KPNA4: variants seen among roughly 807,000 people sequenced by gnomAD.
The protein encoded by KPNA4 is karyopherin subunit alpha 4, also known as importin subunit alpha-3.
In KPNA4, 13 loss-of-function variants were observed where a neutral mutation model predicts 71.3. The ratio of observed to expected loss-of-function variants is 0.18; its 90% CI spans 0.12 to 0.29. The LOEUF is 0.29. KPNA4 is among the 10% of genes least tolerant of loss of function. The pLI is 1.00. For missense variants in KPNA4, 334 were observed against 603.2 expected (o/e 0.55, Z 4.67); for synonymous variants, 189 against 195.2 (o/e 0.97, Z 0.26).
At chr3:160,535,738 A>G (rs752386318) in intron 3 of KPNA4, 48 bp from the exon 4 acceptor site, 3 of 1,569,298 alleles carry the variant, frequency 1.9e-6, no homozygotes, top group South Asian at 2.4e-5. Flanking sequence ...TCACCTTAAA[A>G]TTCTCTTATT....
intron 1 of KPNA4, among the ~76,000 whole-genome samples, chr3:160,551,599 G>A (rs1021883714): frequency 2.0e-5 from 3 of 152,134 alleles, no homozygotes; most frequent in African/African-American, 7.2e-5. Context: ...GAGAGTCAGA[G>A]ATGAAGTTAG....
intron 13 of KPNA4, 112 bp downstream of exon 13, chr3:160,513,965 G>T: frequency 4.9e-5 from 25 of 512,826 alleles, no homozygotes; most frequent in Middle Eastern, 3.0e-4. Flanking sequence ...CTATATTTAT[G>T]CCACTGTATG....
chr3:160,513,398 G>A (rs1721141886), intron 13 of KPNA4, among the ~76,000 whole-genome samples: 2 of 151,592 alleles, frequency 1.3e-5, no homozygotes, highest in Non-Finnish European at 2.9e-5. Context: ...TAGAACCACA[G>A]GCGCATGCTA....
chr3:160,518,689 A>C (rs1262738008), intron 11 of KPNA4, among the ~76,000 whole-genome samples: 1 of 151,434 alleles, frequency 6.6e-6, no homozygotes, highest in Non-Finnish European at 1.5e-5. Context: ...GTGAAACCCT[A>C]TCTCTACTAA....
At chr3:160,513,258 T>G (rs1577047753) in intron 13 of KPNA4, among the ~76,000 whole-genome samples, 2 of 142,066 alleles carry the variant, frequency 1.4e-5, no homozygotes, top group East Asian at 4.0e-4. Flanking sequence ...GGTTTTTTTT[T>G]TTTTTTTTTT....
chr3:160,551,946 G>GGT (rs1177886311), intron 1 of KPNA4, among the ~76,000 whole-genome samples: 1 of 143,400 alleles, frequency 7.0e-6, no homozygotes, highest in East Asian at 2.0e-4. Flanking sequence ...AACTGGGGGG[G>GGT]GGGGGGTGAT....
chr3:160,534,273 T>C (rs1721635239), intron 5 of KPNA4, among the ~76,000 whole-genome samples: 2 of 152,202 alleles, frequency 1.3e-5, no homozygotes, highest in African/African-American at 4.8e-5. Flanking sequence ...ACATAGGGTG[T>C]TATTCTTATA....
At position 160,506,342 on chromosome 3, in the gene KPNA4, A is replaced by C. The variant is rs183273400; in HGVS notation, c.1373-1290T>G. On this transcript the variant is annotated intron_variant, in intron 15 of 16. Transcript: ENST00000334256. Reference sequence around the variant, plus strand: ...CGCTACCACACCCAGCTAATGTTTCATATTTTTAGTAGAGACGGGGTTTCA... The same window carrying C: ...CGCTACCACACCCAGCTAATGTTTCCTATTTTTAGTAGAGACGGGGTTTCA... Among the ~76,000 whole-genome samples the C allele has an allele frequency of 1.2e-4, 18 of 152,034 alleles. No individual in the cohort carries two copies. In the South Asian group the frequency reaches 3.5e-3, roughly 30 times the overall value.
intron 5 of KPNA4, among the ~76,000 whole-genome samples, chr3:160,533,318 G>A (rs183143297): frequency 2.4e-3 from 372 of 152,078 alleles, no homozygotes; most frequent in Middle Eastern, 6.8e-3. Context: ...AAGCCACCGC[G>A]CCCAGCCCCC....
rs985296315 is a variant in KPNA4, at chr3:160,528,110, T to C, written c.470-71A>G. On this transcript the variant is annotated intron_variant, in intron 7 of 16. Coordinates refer to ENST00000334256, the MANE Select transcript of KPNA4 (RefSeq NM_002268.5). ...AACCAAAAATCAATCTTTATTTTTT[T>C]GCTGAGACCTCAAAAAAAAGGGAAC... 6.2e-6 allele frequency: 7 copies of C among 1,132,922 alleles called. No homozygotes were observed. In the African/African-American group the frequency reaches 1.1e-4, roughly 18 times the overall value. The allele number at this position is 1,132,922 out of a possible 1,614,324, so 70.2% of individuals were successfully genotyped here.
At position 160,548,484 on chromosome 3, in the gene KPNA4, C is replaced by G. The variant is rs1451563566; in HGVS notation, c.70-11644G>C. The stretch of plus-strand genomic sequence containing the variant: ...CTCCTTCCCTCTATCCCCTGGCAAC[C>G]ATTATTCCTTTTCCTGTTTCTATGC... On this transcript the variant is annotated intron_variant, in intron 1 of 16. Coordinates refer to ENST00000334256, the MANE Select transcript of KPNA4 (RefSeq NM_002268.5). Among the ~76,000 whole-genome samples the G allele has an allele frequency of 3.3e-5, 5 of 152,174 alleles. No homozygotes were observed. In the East Asian group the frequency reaches 9.6e-4, roughly 29 times the overall value.
intron 1 of KPNA4, 68 bp downstream of exon 1, chr3:160,565,146 C>T (rs1421226128): frequency 1.5e-6 from 2 of 1,352,212 alleles, no homozygotes; most frequent in Non-Finnish European, 1.0e-6. Context: ...TCCCCACACT[C>T]GGGGTCCCGG....
rs761398564 is a variant in KPNA4, at chr3:160,565,222, C to T, written c.61G>A (p.Asp21Asn). The change falls in exon 1 of 17, where the codon GAC becomes AAC. Residue 21 changes from aspartate (D) to asparagine (N), a missense_variant. By Grantham distance (23) the Asp-to-Asn change is conservative. Transcript: ENST00000334256. ...RLKNFKNKGR[D>N]LETMRRQRNE... Reference sequence around the variant, plus strand: ...GTCGTCCCCGAGTTTACCTCCAAGTCGCGGCCTTTGTTCTTGAAATTCTTG... The same window carrying T: ...GTCGTCCCCGAGTTTACCTCCAAGTTGCGGCCTTTGTTCTTGAAATTCTTG... 1.2e-6 allele frequency: 2 copies of T among 1,609,406 alleles called. No homozygotes were observed. Among genetic ancestry groups the T allele is most frequent in the East Asian group, 4.5e-5 (2 of 44,618 alleles).
Position 160,502,049 on chromosome 3 carries a change from C to CACAT in KPNA4, c.*54_*55insATGT. On this transcript the variant is annotated 3_prime_UTR_variant, in exon 17 of 17. Transcript: ENST00000334256. ...ATATATATATATATATACACACACACATATATATATATATATCTCAGTGCT... is the reference window on the plus strand; with the variant it reads ...ATATATATATATATATACACACACACACATATATATATATATATATCTCAGTGCT... 3 of 486,550 alleles carry CACAT rather than the reference C, an allele frequency of 6.2e-6. No homozygotes were observed. The highest frequency in any genetic ancestry group is 3.9e-5 in the East Asian group (1 of 25,512). 30.1% of individuals were successfully genotyped at this position (486,550 alleles called of 1,614,324 possible).
chr3:160,507,972 G>T, intron 15 of KPNA4, 135 bp downstream of exon 15: 1 of 665,426 alleles, frequency 1.5e-6, no homozygotes, highest in Non-Finnish European at 2.4e-6. Flanking sequence ...TGCACATATA[G>T]AATACAATAT....
At chr3:160,528,127 A>T (rs1721497749) in intron 7 of KPNA4, 88 bp from the exon 8 acceptor site, 2 of 839,226 alleles carry the variant, frequency 2.4e-6, no homozygotes, top group Admixed American at 2.4e-5. Context: ...ACCTCAAAAA[A>T]AAGGGAACCT....
At chr3:160,553,599 A>C (rs1032180869) in intron 1 of KPNA4, among the ~76,000 whole-genome samples, 3 of 152,196 alleles carry the variant, frequency 2.0e-5, no homozygotes, top group Admixed American at 6.5e-5. Flanking sequence ...TACTTGACCT[A>C]GTCTGAATAA....
chr3:160,519,927 G>T (rs2108548134), intron 11 of KPNA4, among the ~76,000 whole-genome samples: 1 of 152,098 alleles, frequency 6.6e-6, no homozygotes, highest in African/African-American at 2.4e-5. Context: ...AAGCTACATG[G>T]GGTTCCATTA....
At chr3:160,524,099 CATT>C (rs2108549625) in intron 10 of KPNA4, among the ~76,000 whole-genome samples, 1 of 152,194 alleles carries the variant, frequency 6.6e-6, no homozygotes, top group Non-Finnish European at 1.5e-5. Flanking sequence ...ACTTCTAACA[CATT>C]ATTTAGTAAG....
Sources: allele counts gnomAD v4.1 joint callset (sites outside exome capture counted in the v4.1 genomes callset), GRCh38; gene constraint gnomAD v4.1.1; transcripts MANE v1.5; gene names NCBI Gene and HGNC (gene_info 2026-07-23, HGNC 2026-07-21).